The following PIGX variants were observed in gnomAD, a reference collection of about 807,000 sequenced individuals.
The protein encoded by PIGX is phosphatidylinositol glycan anchor biosynthesis class X, also known as GPI alpha-1,4-mannosyltransferase I, stabilizing subunit.
In PIGX, 24 loss-of-function variants were observed where a neutral mutation model predicts 28.7. The observed-to-expected ratio is 0.84, with a 90% CI of 0.60 to 1.17. The LOEUF is 1.17. PIGX is among the 50% of genes most tolerant of loss of function. The probability of loss-of-function intolerance (pLI) is 0.00; values close to 1 mark genes in which losing one functional copy is unlikely to be tolerated. For missense variants in PIGX, 305 were observed against 317.8 expected (o/e 0.96, Z 0.31); for synonymous variants, 127 against 121.0 (o/e 1.05, Z -0.33).
intron 5 of PIGX, among the ~76,000 whole-genome samples, chr3:196,731,885 G>A (rs1014513545): frequency 6.6e-6 from 1 of 151,838 alleles, no homozygotes; most frequent in African/African-American, 2.4e-5. Flanking sequence ...GGAGTGCAGT[G>A]GTGCAATCTT....
chr3:196,734,820 C>CT lies in PIGX; in HGVS notation c.*919dup. ...TGAATTGGCAAAGGACTTGATGAAA[C>CT]TGAGTACTAAGATTTGGTACAGAGT... On this transcript the variant is annotated 3_prime_UTR_variant, in exon 6 of 6. Coordinates refer to ENST00000392391, the MANE Select transcript of PIGX (RefSeq NM_017861.4). 6.6e-6 allele frequency: 1 copy of CT among 152,216 alleles called. No individual in the cohort carries two copies. The highest frequency in any genetic ancestry group is 3.4e-3 in the Middle Eastern group (1 of 294). 9.4% of individuals were successfully genotyped at this position (152,216 alleles called of 1,614,324 possible). A position where few individuals can be genotyped will look rare whatever the true frequency, so the allele number is the denominator to read the frequency against.
rs1712755185 is a variant in PIGX, at chr3:196,731,527, GT to G, written c.633+437del. Among the ~76,000 whole-genome samples, 3 of 152,268 alleles carry G rather than the reference GT, an allele frequency of 2.0e-5. No individual in the cohort carries two copies. The South Asian group carries it at 6.2e-4, about 32-fold the overall frequency. ...AAGCTGTTTTTTCTTACAGCAAAGG[GT>G]TACTACAAAGCACTGCTGTTTTTTG... On this transcript the variant is annotated intron_variant, in intron 5 of 5. Coordinates refer to ENST00000392391, the MANE Select transcript of PIGX (RefSeq NM_017861.4).
At chr3:196,723,449 T>A (rs1163740178) in intron 3 of PIGX, among the ~76,000 whole-genome samples, 1 of 152,190 alleles carries the variant, frequency 6.6e-6, no homozygotes, top group Non-Finnish European at 1.5e-5. Context: ...TGTAATGTTG[T>A]TGCCCTTGTT....
chr3:196,727,746 T>C (rs962734600), intron 3 of PIGX, among the ~76,000 whole-genome samples, 177 bp from the exon 4 acceptor site: 1 of 152,150 alleles, frequency 6.6e-6, no homozygotes, highest in African/African-American at 2.4e-5. Flanking sequence ...TTATTAAGCA[T>C]AAATTGGTCT....
intron 3 of PIGX, among the ~76,000 whole-genome samples, chr3:196,723,937 A>G (rs886186060): frequency 2.0e-5 from 3 of 151,896 alleles, no homozygotes; most frequent in Non-Finnish European, 4.4e-5. Context: ...ACTAATCAGC[A>G]AGTGTGTTCT....
chr3:196,721,687 C>A (rs1712328867), intron 2 of PIGX, among the ~76,000 whole-genome samples: 1 of 151,892 alleles, frequency 6.6e-6, no homozygotes, highest in East Asian at 1.9e-4. Flanking sequence ...CCTCCTGCAT[C>A]ATTTGAATCC....
At chr3:196,714,095 CTAATT>C (rs1006139995) in intron 1 of PIGX, among the ~76,000 whole-genome samples, 4 of 152,130 alleles carry the variant, frequency 2.6e-5, no homozygotes. Flanking sequence ...AATTTTTCTT[CTAATT>C]TAATTTATAG....
intron 2 of PIGX, chr3:196,721,291 G>C (rs1182810148): frequency 4.0e-6 from 1 of 250,516 alleles, no homozygotes; most frequent in African/African-American, 2.3e-5. Flanking sequence ...GGTAGTTTCT[G>C]TTGCTGTGTC....
intron 2 of PIGX, among the ~76,000 whole-genome samples, chr3:196,718,923 G>A (rs2108678810): frequency 6.6e-6 from 1 of 152,178 alleles, no homozygotes. Flanking sequence ...TTTGTGTAAT[G>A]TCTTTCTTTA....
At position 196,712,451 on chromosome 3, in the gene PIGX, T is replaced by C. The variant is rs1711855051; in HGVS notation, c.-82T>C. The C allele has an allele frequency of 1.7e-6, 1 of 577,886 alleles. No individual in the cohort carries two copies. Among genetic ancestry groups the C allele is most frequent in the Non-Finnish European group, 2.4e-6 (1 of 422,016 alleles). The allele number at this position is 577,886 out of a possible 1,614,324, so 35.8% of individuals were successfully genotyped here. Reference sequence around the variant, plus strand: ...CCGATAAATCTGGGGCAGCGCGCGGTAGGAGCTGCGGGCGGCCAGGCCCCT... The same window carrying C: ...CCGATAAATCTGGGGCAGCGCGCGGCAGGAGCTGCGGGCGGCCAGGCCCCT... On this transcript the variant is annotated 5_prime_UTR_variant, in exon 1 of 6. Coordinates refer to ENST00000392391, the MANE Select transcript of PIGX (RefSeq NM_017861.4).
At position 196,717,066 on chromosome 3, in the gene PIGX, C is replaced by T. The variant is rs989486650; in HGVS notation, c.176+145C>T. ...CTGTAATCCCAACACTTTGGGAGGC[C>T]GAGGCAGGCGGATCACAAGGTCAGG... On this transcript the variant is annotated intron_variant, in intron 2 of 5. Coordinates refer to ENST00000392391, the MANE Select transcript of PIGX (RefSeq NM_017861.4). 3.0e-5 allele frequency: 16 copies of T among 541,592 alleles called. No individual in the cohort carries two copies. The African/African-American group carries it at 3.1e-4, about 11-fold the overall frequency. The allele number at this position is 541,592 out of a possible 1,614,324, so 33.5% of individuals were successfully genotyped here.
At chr3:196,720,057 C>A (rs1211056613) in intron 2 of PIGX, among the ~76,000 whole-genome samples, 1 of 152,222 alleles carries the variant, frequency 6.6e-6, no homozygotes, top group African/African-American at 2.4e-5. Context: ...GGATTACAGG[C>A]GTGAGCCACC....
chr3:196,716,103 C>T (rs1164625088), intron 1 of PIGX, among the ~76,000 whole-genome samples: 1 of 152,132 alleles, frequency 6.6e-6, no homozygotes, highest in Non-Finnish European at 1.5e-5. Context: ...GCCCCCATCC[C>T]CTGGGTTCAA....
chr3:196,729,992 C>A (rs1391413866), intron 4 of PIGX, among the ~76,000 whole-genome samples: 1 of 151,358 alleles, frequency 6.6e-6, no homozygotes, highest in Non-Finnish European at 1.5e-5. Flanking sequence ...ATCACTTGAA[C>A]CTGGGAGGCG....
intron 2 of PIGX, among the ~76,000 whole-genome samples, chr3:196,718,140 C>T (rs1161389846): frequency 2.6e-5 from 4 of 152,088 alleles, no homozygotes; most frequent in African/African-American, 9.7e-5. Context: ...GAAACCCCAT[C>T]TCTACTAAAA....
At chr3:196,732,574 C>T (rs1197331235) in intron 5 of PIGX, among the ~76,000 whole-genome samples, 1 of 151,902 alleles carries the variant, frequency 6.6e-6, no homozygotes, top group African/African-American at 2.4e-5. Context: ...GCCACTGCAC[C>T]CGGCCAACTT....
chr3:196,715,284 C>T (rs1577668337), intron 1 of PIGX, among the ~76,000 whole-genome samples: 1 of 152,112 alleles, frequency 6.6e-6, no homozygotes, highest in African/African-American at 2.4e-5. Context: ...ACTAAAATTT[C>T]ATTCAATTTT....
chr3:196,734,603 A>C lies in PIGX; in HGVS notation c.*701A>C, dbSNP rs1047113. On this transcript the variant is annotated 3_prime_UTR_variant, in exon 6 of 6. Coordinates refer to ENST00000392391, the MANE Select transcript of PIGX (RefSeq NM_017861.4). ...AAAGAAGAATAAAATAATTTGGATG[A>C]AAATCATGTTTATTTAAATAGTAAT... The C allele has an allele frequency of 0.36, 54,648 of 152,038 alleles. 9,918 individuals are homozygous for C. The highest frequency in any genetic ancestry group is 0.56 in the East Asian group (2,863 of 5,158). 9.4% of individuals were successfully genotyped at this position (152,038 alleles called of 1,614,324 possible). A position where few individuals can be genotyped will look rare whatever the true frequency, so the allele number is the denominator to read the frequency against.
chr3:196,714,268 A>G (rs1711990323), intron 1 of PIGX, among the ~76,000 whole-genome samples: 1 of 152,172 alleles, frequency 6.6e-6, no homozygotes, highest in South Asian at 2.1e-4. Flanking sequence ...GTTCAAGACC[A>G]GCCTGGAAAA....
Sources: gnomAD v4.1 joint callset for allele counts (sites outside exome capture counted in the v4.1 genomes callset) on GRCh38, gnomAD v4.1.1 for gene constraint, MANE v1.5 for transcripts, NCBI Gene and HGNC (gene_info 2026-07-23, HGNC 2026-07-21) for gene names.